HS6ST3: variants seen among roughly 807,000 people sequenced by gnomAD.
The protein encoded by HS6ST3 is heparan-sulfate 6-O-sulfotransferase 3.
HS6ST3 carries 12 observed loss-of-function variants against 36.7 expected under a neutral mutation model. The observed-to-expected ratio is 0.33, with a 90% confidence interval of 0.21 to 0.53. HS6ST3 has a LOEUF of 0.53. Among genes scored for constraint, HS6ST3 ranks in the 20% least tolerant of loss-of-function variants. HS6ST3 has a pLI of 0.95. For missense variants in HS6ST3, 584 were observed against 640.9 expected, an observed-to-expected ratio of 0.91 and a Z score of 0.96; for synonymous variants, 240 against 257.5, an observed-to-expected ratio of 0.93 and a Z score of 0.65.
chr13:96,100,233 G>T (rs1311291821), intron 1 of HS6ST3, among the ~76,000 whole-genome samples: 1 of 152,082 alleles, frequency 6.6e-6, no homozygotes, highest in Non-Finnish European at 1.5e-5. Flanking sequence ...TATCCAGAAG[G>T]CTATCTGATT....
At chr13:96,297,969 G>C (rs569077557) in intron 1 of HS6ST3, among the ~76,000 whole-genome samples, 1 of 152,112 alleles carries the variant, frequency 6.6e-6, no homozygotes, top group South Asian at 2.1e-4. Flanking sequence ...TTCCAAGCCT[G>C]AACACTTTAT....
intron 1 of HS6ST3, among the ~76,000 whole-genome samples, chr13:96,447,047 A>G (rs569345714): frequency 2.6e-5 from 4 of 152,162 alleles, no homozygotes; most frequent in South Asian, 2.1e-4. Context: ...AATTATTCCA[A>G]TATCACGTAT....
intron 1 of HS6ST3, among the ~76,000 whole-genome samples, chr13:96,287,170 C>T (rs1039850371): frequency 6.6e-6 from 1 of 152,042 alleles, no homozygotes; most frequent in Non-Finnish European, 1.5e-5. Flanking sequence ...AAAAGTAAAT[C>T]GGATGAGCCT....
intron 1 of HS6ST3, among the ~76,000 whole-genome samples, chr13:96,705,324 A>G (rs565935275): frequency 1.4e-3 from 212 of 152,288 alleles, no homozygotes; most frequent in African/African-American, 4.7e-3. Flanking sequence ...AAAACTGCAT[A>G]TGGACAAAAA....
chr13:96,663,623 C>G (rs1170484549), intron 1 of HS6ST3, among the ~76,000 whole-genome samples: 1 of 152,104 alleles, frequency 6.6e-6, no homozygotes, highest in Non-Finnish European at 1.5e-5. Flanking sequence ...TATAACTGTA[C>G]CACACAGCCC....
At chr13:96,434,278 C>T (rs867531847) in intron 1 of HS6ST3, among the ~76,000 whole-genome samples, 46 of 152,112 alleles carry the variant, frequency 3.0e-4, no homozygotes, top group African/African-American at 1.1e-3. Flanking sequence ...GTGTATTATG[C>T]CCCTAGGATT....
intron 1 of HS6ST3, among the ~76,000 whole-genome samples, chr13:96,575,208 C>A (rs940356780): frequency 7.2e-5 from 11 of 152,270 alleles, no homozygotes; most frequent in African/African-American, 2.6e-4. Flanking sequence ...TGCACCGAGC[C>A]TCCTGATTAC....
intron 1 of HS6ST3, among the ~76,000 whole-genome samples, chr13:96,349,786 C>T (rs1007091575): frequency 1.3e-5 from 2 of 152,054 alleles, no homozygotes; most frequent in African/African-American, 4.8e-5. Flanking sequence ...TGCCATATGA[C>T]CTCAATATGT....
At chr13:96,195,155 T>A (rs1335649040) in intron 1 of HS6ST3, among the ~76,000 whole-genome samples, 2 of 152,190 alleles carry the variant, frequency 1.3e-5, no homozygotes, top group African/African-American at 4.8e-5. Flanking sequence ...ATTTTCTTTT[T>A]TAAAATGTCA....
chr13:96,144,142 G>A (rs550136516), intron 1 of HS6ST3, among the ~76,000 whole-genome samples: 2 of 152,162 alleles, frequency 1.3e-5, no homozygotes, highest in East Asian at 1.9e-4. Flanking sequence ...TCAGTTTAAG[G>A]AGGATAAAAT....
chr13:96,669,976 G>T (rs1181967467), intron 1 of HS6ST3, among the ~76,000 whole-genome samples: 1 of 152,062 alleles, frequency 6.6e-6, no homozygotes, highest in South Asian at 2.1e-4. Context: ...AGGACCACCA[G>T]TTTTTAGATT....
At chr13:96,704,628 T>G (rs1924580) in intron 1 of HS6ST3, among the ~76,000 whole-genome samples, 24,750 of 152,076 alleles carry the variant, frequency 0.16, 2,684 homozygotes, top group African/African-American at 0.3. Flanking sequence ...AGAAGCCAGA[T>G]GCAGGTCCTC....
intron 1 of HS6ST3, among the ~76,000 whole-genome samples, chr13:96,527,000 A>C (rs1224858733): frequency 6.6e-6 from 1 of 152,218 alleles, no homozygotes; most frequent in African/African-American, 2.4e-5. Context: ...ATATTGAATA[A>C]AGATAGATTT....
At chr13:96,274,065 A>G (rs1594739846) in intron 1 of HS6ST3, among the ~76,000 whole-genome samples, 2 of 149,042 alleles carry the variant, frequency 1.3e-5, no homozygotes, top group Non-Finnish European at 3.0e-5. Flanking sequence ...TTTCTTTCAG[A>G]CAGGGTTTTG....
chr13:96,655,353 T>C (rs895989805), intron 1 of HS6ST3, among the ~76,000 whole-genome samples: 3 of 152,104 alleles, frequency 2.0e-5, no homozygotes, highest in African/African-American at 7.2e-5. Context: ...CATTGGGGAC[T>C]ACCAAAGTGT....
chr13:96,114,228 T>C (rs752490909), intron 1 of HS6ST3, among the ~76,000 whole-genome samples: 1 of 152,112 alleles, frequency 6.6e-6, no homozygotes, highest in Non-Finnish European at 1.5e-5. Flanking sequence ...CATAGCTCAC[T>C]GCAGCCTCAA....
chr13:96,638,410 T>G (rs1435501209), intron 1 of HS6ST3, among the ~76,000 whole-genome samples: 5 of 152,064 alleles, frequency 3.3e-5, no homozygotes, highest in Non-Finnish European at 7.4e-5. Flanking sequence ...TTACATACCC[T>G]CTCTACTGCA....
intron 1 of HS6ST3, among the ~76,000 whole-genome samples, chr13:96,798,744 G>T (rs1481340436): frequency 6.6e-6 from 1 of 151,822 alleles, no homozygotes; most frequent in Admixed American, 6.6e-5. Context: ...GTGTCTCCAT[G>T]TGTGTGTAAT....
chr13:96,267,658 T>TA (rs1214154850), intron 1 of HS6ST3, among the ~76,000 whole-genome samples: 1 of 152,026 alleles, frequency 6.6e-6, no homozygotes, highest in Non-Finnish European at 1.5e-5. Context: ...TATGCTAGTA[T>TA]AAACTGTTTT....
Sources: allele counts gnomAD v4.1 joint callset (sites outside exome capture counted in the v4.1 genomes callset), GRCh38; gene constraint gnomAD v4.1.1; transcripts MANE v1.5; gene names NCBI Gene and HGNC (gene_info 2026-07-23, HGNC 2026-07-21).